Variants in NDUFAF6 observed in about 807,000 individuals in gnomAD.
NDUFAF6 encodes the protein NADH:ubiquinone oxidoreductase complex assembly factor 6.
Under a neutral mutation model 40.8 loss-of-function variants are expected in NDUFAF6, and 45 were observed. That is an observed-to-expected ratio of 1.10 (90% CI 0.87 to 1.42). NDUFAF6 has a LOEUF of 1.42. Ranked by LOEUF, NDUFAF6 falls within the 40% of genes most tolerant of loss-of-function variation. The probability of loss-of-function intolerance (pLI) is 0.00; values close to 1 mark genes in which losing one functional copy is unlikely to be tolerated. For synonymous variants in NDUFAF6, 185 were observed against 155.9 expected (o/e 1.19, Z -1.39); for missense variants, 435 against 418.5 (o/e 1.04, Z -0.34).
At chr8:95,059,988 C>T (rs189893868), downstream of NDUFAF6, among the ~76,000 whole-genome samples, 412 of 127,016 alleles carry the variant, frequency 3.2e-3, 1 homozygote, top group Non-Finnish European at 5.4e-3. Context: ...TTAAATTTGG[C>T]AGCAATCATC....
At chr8:95,046,046 AT>A (rs1231880886) in intron 5 of NDUFAF6, among the ~76,000 whole-genome samples, 1 of 148,372 alleles carries the variant, frequency 6.7e-6, no homozygotes, top group African/African-American at 2.6e-5. Flanking sequence ...ATTTTATTTT[AT>A]TTTATTTTAT....
rs1259395949 is a variant in NDUFAF6, at chr8:95,035,515, C to A, written c.359C>A (p.Thr120Asn). The A allele has an allele frequency of 1.2e-6, 2 of 1,613,082 alleles. No homozygotes were observed. Among genetic ancestry groups the A allele is most frequent in the Non-Finnish European group, 1.7e-6 (2 of 1,179,644 alleles). ...GLMRMQFWKK[T>N]VEDIYCDNPP... Reference sequence around the variant, plus strand: ...ATGCGAATGCAGTTTTGGAAAAAAACTGTGGAAGATATATACTGTGACAAT... The same window carrying A: ...ATGCGAATGCAGTTTTGGAAAAAAAATGTGGAAGATATATACTGTGACAAT... Residue 120 changes from threonine (T) to asparagine (N), a missense_variant, in exon 3 of 9, where the codon ACT becomes AAT. Transcript: ENST00000396124.
chr8:95,085,040 TA>T (rs1173552621), intron 2 of NDUFAF6, among the ~76,000 whole-genome samples: 1 of 152,162 alleles, frequency 6.6e-6, no homozygotes, highest in Non-Finnish European at 1.5e-5. Flanking sequence ...GTCAACTCCT[TA>T]GTATTTTGGC....
chr8:95,099,267 G>T (rs7010205), upstream of NDUFAF6, among the ~76,000 whole-genome samples: 34,194 of 151,060 alleles, frequency 0.23, 4,846 homozygotes, highest in African/African-American at 0.4. Flanking sequence ...AAAAGCTGGC[G>T]TCTCTTTCAG....
chr8:94,994,421 G>T (rs1401273734), intron 2 of NDUFAF6, among the ~76,000 whole-genome samples: 1 of 152,028 alleles, frequency 6.6e-6, no homozygotes, highest in East Asian at 1.9e-4. Context: ...CATGGTGGCT[G>T]GCACCTGTAT....
chr8:94,930,864 G>T, intron 1 of NDUFAF6: 1 of 1,049,926 alleles, frequency 9.5e-7, no homozygotes, highest in Non-Finnish European at 1.3e-6. Flanking sequence ...ATGGCTGACA[G>T]ACAAGTTTAT....
At chr8:95,014,086 G>C (rs191116494) in intron 2 of NDUFAF6, among the ~76,000 whole-genome samples, 49 of 152,338 alleles carry the variant, frequency 3.2e-4, no homozygotes, top group Admixed American at 2.7e-3. Context: ...GTAGCCTGCT[G>C]AACAAAACAA....
downstream of NDUFAF6, among the ~76,000 whole-genome samples, chr8:95,060,192 T>G (rs1832537603): frequency 6.6e-6 from 1 of 152,200 alleles, no homozygotes; most frequent in Non-Finnish European, 1.5e-5. Context: ...AAGTGGAGTC[T>G]TTATCAGTGA....
intron 2 of NDUFAF6, among the ~76,000 whole-genome samples, chr8:95,081,814 C>A (rs1808878969): frequency 6.6e-6 from 1 of 152,216 alleles, no homozygotes; most frequent in South Asian, 2.1e-4. Context: ...GTAATCCCAG[C>A]ACTTTGGGAG....
At chr8:95,106,925 C>T (rs543633171), downstream of NDUFAF6, among the ~76,000 whole-genome samples, 18 of 152,216 alleles carry the variant, frequency 1.2e-4, no homozygotes, top group South Asian at 8.3e-4. Context: ...AAATCAAAAC[C>T]ACAATGAGAT....
At chr8:94,989,723 G>A (rs1052737533) in intron 2 of NDUFAF6, among the ~76,000 whole-genome samples, 5 of 152,144 alleles carry the variant, frequency 3.3e-5, no homozygotes, top group African/African-American at 1.2e-4. Context: ...CCATTGCTAA[G>A]AGAGTGATAA....
chr8:94,932,107 C>T, intron 1 of NDUFAF6: 1 of 1,609,554 alleles, frequency 6.2e-7, no homozygotes, highest in Non-Finnish European at 8.5e-7. Flanking sequence ...TTTTCCTGGC[C>T]CTACAAATGT....
intron 8 of NDUFAF6, among the ~76,000 whole-genome samples, chr8:95,053,301 T>A (rs1359369224): frequency 7.2e-5 from 11 of 152,256 alleles, no homozygotes; most frequent in African/African-American, 2.7e-4. Context: ...TCTGTTCATC[T>A]TTCTGAACCT....
At position 95,010,821 on chromosome 8, in the gene NDUFAF6, G is replaced by A. The variant is rs189188899; in HGVS notation, c.-83-21174G>A. Among the ~76,000 whole-genome samples the A allele has an allele frequency of 3.9e-4, 59 of 152,326 alleles. 1 individual carries two copies. Among genetic ancestry groups the A allele is most frequent in the African/African-American group, 1.4e-3 (57 of 41,566 alleles). On this transcript the variant is annotated intron_variant, in intron 2 of 9. Transcript: ENST00000396111. The stretch of plus-strand genomic sequence containing the variant: ...GGGCTCTCTGGGAAGCAGATGCTGA[G>A]AAACGGTAGGTGTGGGAAAGGTTTT...
intron 1 of NDUFAF6, among the ~76,000 whole-genome samples, chr8:94,934,568 G>A (rs1586708926): frequency 1.3e-5 from 2 of 151,844 alleles, no homozygotes; most frequent in East Asian, 3.9e-4. Context: ...GTATTTTTAA[G>A]ATGGGGTTTT....
chr8:94,974,477 C>T (rs1375164915), intron 1 of NDUFAF6: 1 of 152,120 alleles, frequency 6.6e-6, no homozygotes, highest in African/African-American at 2.4e-5. Flanking sequence ...TATTGTTCTC[C>T]AGCTTTCAAG....
intron 2 of NDUFAF6, among the ~76,000 whole-genome samples, chr8:94,991,985 T>A (rs1305642232): frequency 1.3e-5 from 2 of 152,216 alleles, no homozygotes; most frequent in Non-Finnish European, 2.9e-5. Context: ...TCTAAAGGGT[T>A]TATACATTTG....
At chr8:94,951,459 A>G (rs1317585949) in intron 2 of NDUFAF6, 3 of 152,274 alleles carry the variant, frequency 2.0e-5, no homozygotes, top group African/African-American at 7.2e-5. Flanking sequence ...AGAAATGCCC[A>G]TCACAGATCA....
rs970593897 is a variant in NDUFAF6, at chr8:95,035,342, A to T, written c.298-112A>T. On this transcript the variant is annotated intron_variant, in intron 2 of 8. Coordinates refer to ENST00000396124, the MANE Select transcript of NDUFAF6 (RefSeq NM_152416.4). ...CAAAAAATGTAGTCATGTATTTATCACCATAGTCATAATACAGAACAGTTA... is the reference window on the plus strand; with the variant it reads ...CAAAAAATGTAGTCATGTATTTATCTCCATAGTCATAATACAGAACAGTTA... The T allele has an allele frequency of 3.7e-6, 4 of 1,088,808 alleles. No individual in the cohort carries two copies. The African/African-American group carries it at 6.3e-5, about 17-fold the overall frequency. The allele number at this position is 1,088,808 out of a possible 1,614,324, so 67.4% of individuals were successfully genotyped here. A position where few individuals can be genotyped will look rare whatever the true frequency, so the allele number is the denominator to read the frequency against.
Sources: allele counts gnomAD v4.1 joint callset (sites outside exome capture counted in the v4.1 genomes callset), GRCh38; gene constraint gnomAD v4.1.1; transcripts MANE v1.5; gene names NCBI Gene and HGNC (gene_info 2026-07-23, HGNC 2026-07-21).